Variants in DCLK2 observed in about 807,000 individuals in gnomAD.
DCLK2 encodes the protein doublecortin like kinase 2, also known as serine/threonine-protein kinase DCLK2.
A neutral mutation model predicts 78.4 loss-of-function variants in DCLK2; 31 were observed. The ratio of observed to expected loss-of-function variants is 0.40; its 90% CI spans 0.30 to 0.53. The LOEUF is 0.53. Ranked by LOEUF, DCLK2 falls within the 20% of genes least tolerant of loss-of-function variation. DCLK2 has a pLI of 0.61. For missense variants in DCLK2, 872 were observed against 973.7 expected (o/e 0.90, Z 1.39); for synonymous variants, 407 against 374.9 (o/e 1.09, Z -0.99).
intron 9 of DCLK2, 103 bp downstream of exon 9, chr4:150,232,559 T>G (rs1742157925): frequency 1.3e-6 from 2 of 1,537,696 alleles, no homozygotes; most frequent in Non-Finnish European, 1.8e-6. Flanking sequence ...ACTTTCATTA[T>G]TTATAATCGC....
intron 2 of DCLK2, among the ~76,000 whole-genome samples, chr4:150,121,751 C>T (rs949939186): frequency 3.9e-5 from 6 of 152,190 alleles, no homozygotes; most frequent in Non-Finnish European, 8.8e-5. Flanking sequence ...TATAGCCTTA[C>T]AAAATGTATT....
chr4:150,133,055 A>G (rs1447506322), intron 2 of DCLK2, among the ~76,000 whole-genome samples: 1 of 152,164 alleles, frequency 6.6e-6, no homozygotes, highest in Non-Finnish European at 1.5e-5. Flanking sequence ...ATTACTCACG[A>G]CTTAAAAAAG....
At chr4:150,199,500 AT>A (rs1293153615) in intron 4 of DCLK2, among the ~76,000 whole-genome samples, 2 of 152,180 alleles carry the variant, frequency 1.3e-5, no homozygotes, top group African/African-American at 4.8e-5. Context: ...AAATCTTAGA[AT>A]TATTAGTACT....
chr4:150,219,258 CTTTTTTT>C (rs375592229), intron 5 of DCLK2, among the ~76,000 whole-genome samples: 8 of 72,136 alleles, frequency 1.1e-4, no homozygotes, highest in Admixed American at 1.0e-3. Context: ...CACAAACATT[CTTTTTTT>C]TTTTTTTTTT....
chr4:150,238,922 T>C (rs1742700779), intron 10 of DCLK2, among the ~76,000 whole-genome samples: 9 of 152,202 alleles, frequency 5.9e-5, no homozygotes, highest in Admixed American at 5.9e-4. Context: ...CATCATTGAC[T>C]GTCTAGACAA....
At chr4:150,220,635 G>A in intron 5 of DCLK2, 68 bp from the exon 6 acceptor site, 2 of 1,320,130 alleles carry the variant, frequency 1.5e-6, no homozygotes, top group South Asian at 1.2e-5. Flanking sequence ...CATTTTGTGT[G>A]TCAACGGATT....
At chr4:150,234,945 C>A (rs891513874) in intron 10 of DCLK2, among the ~76,000 whole-genome samples, 1 of 152,128 alleles carries the variant, frequency 6.6e-6, no homozygotes, top group African/African-American at 2.4e-5. Context: ...GCCCGGGCTT[C>A]GCAAACAAAG....
intron 12 of DCLK2, among the ~76,000 whole-genome samples, chr4:150,245,880 C>T (rs1275257316): frequency 6.6e-6 from 1 of 152,088 alleles, no homozygotes; most frequent in Admixed American, 6.5e-5. Context: ...CTAGAAATAC[C>T]ATTTGACCCA....
chr4:150,241,294 C>A (rs1185293574), intron 12 of DCLK2, among the ~76,000 whole-genome samples: 1 of 152,164 alleles, frequency 6.6e-6, no homozygotes, highest in Non-Finnish European at 1.5e-5. Flanking sequence ...TGGCCACTGA[C>A]AATGGTCAGA....
intron 12 of DCLK2, among the ~76,000 whole-genome samples, chr4:150,243,545 C>T (rs931850720): frequency 2.0e-5 from 3 of 152,172 alleles, no homozygotes; most frequent in Admixed American, 2.0e-4. Context: ...AAAAGTCCTT[C>T]ACATATTTCA....
Position 150,256,291 on chromosome 4 carries a change from C to G in DCLK2, c.*44C>G. The G allele has an allele frequency of 6.8e-7, 1 of 1,460,202 alleles. No individual in the cohort carries two copies. 90.5% of individuals were successfully genotyped at this position (1,460,202 alleles called of 1,614,324 possible). ...AAGCCGCCTGCTGCAGCCCAGGAAG[C>G]CAGCCCTCTGCTCGGCCTCGCCGGC... is the stretch of plus-strand genomic sequence containing the variant. On this transcript the variant is annotated 3_prime_UTR_variant, in exon 16 of 16. Coordinates refer to ENST00000296550, the MANE Select transcript of DCLK2 (RefSeq NM_001040260.4).
intron 4 of DCLK2, 23 bp downstream of exon 4, chr4:150,198,126 A>G (rs745538134): frequency 6.3e-7 from 1 of 1,588,626 alleles, no homozygotes; most frequent in Non-Finnish European, 8.6e-7. Flanking sequence ...AAAGGAATAG[A>G]TGGTCATAGC....
chr4:150,156,714 T>G (rs1463314934), intron 2 of DCLK2, among the ~76,000 whole-genome samples: 1 of 151,354 alleles, frequency 6.6e-6, no homozygotes, highest in South Asian at 2.1e-4. Flanking sequence ...AAAGAATATG[T>G]TGTATATAGG....
In DCLK2 at chr4:150,222,703, A is replaced by C. The variant is rs1040972337; in HGVS notation, c.1241+918A>C. Among the ~76,000 whole-genome samples, 14 of 151,986 alleles carry C rather than the reference A, an allele frequency of 9.2e-5. No homozygotes were observed. In the East Asian group the frequency reaches 1.7e-3, roughly 19 times the overall value. On this transcript the variant is annotated intron_variant, in intron 7 of 15. Coordinates refer to ENST00000296550, the MANE Select transcript of DCLK2 (RefSeq NM_001040260.4). ...TCTACAAAAAACAAGACAAACAAAA[A>C]AAAAAACAAAAAAAATTCCAGGTTG...
chr4:150,167,013 C>T (rs569070704), intron 2 of DCLK2, among the ~76,000 whole-genome samples: 1 of 152,228 alleles, frequency 6.6e-6, no homozygotes, highest in African/African-American at 2.4e-5. Context: ...CGCCTGGGTG[C>T]ATTATTCTCA....
intron 2 of DCLK2, among the ~76,000 whole-genome samples, chr4:150,156,483 AAAATAAATAAATAAAT>A (rs545633598): frequency 3.5e-5 from 5 of 143,188 alleles, no homozygotes; most frequent in South Asian, 2.4e-4. Flanking sequence ...CGTCTCTACC[AAAATAAATAAATAAAT>A]AAATAAATAA....
intron 2 of DCLK2, among the ~76,000 whole-genome samples, chr4:150,173,274 G>A (rs1736689060): frequency 6.6e-6 from 1 of 152,128 alleles, no homozygotes; most frequent in Non-Finnish European, 1.5e-5. Context: ...AGCATGGGAT[G>A]CAAAAAACCA....
chr4:150,221,717 T>C lies in DCLK2; in HGVS notation c.1173T>C (p.Leu391=). 6.2e-7 allele frequency: 1 copy of C among 1,606,716 alleles called. No homozygotes were observed. Among genetic ancestry groups the C allele is most frequent in the Non-Finnish European group, 8.5e-7 (1 of 1,177,336 alleles). ...GNRCSESSTL[L]EKYKIGKVIG... is the part of the protein sequence containing the mutation. ...GATGCTCTGAATCATCAACTCTTCT[T>C]GAGAAATACAAAATTGGAAAGGTCA... is the stretch of plus-strand genomic sequence containing the variant. Residue 391 remains leucine, a synonymous_variant, in exon 7 of 16, where the codon CTT becomes CTC. Transcript: ENST00000296550.
intron 1 of DCLK2, among the ~76,000 whole-genome samples, chr4:150,092,166 C>G (rs1730128406): frequency 6.6e-6 from 1 of 152,078 alleles, no homozygotes; most frequent in South Asian, 2.1e-4. Flanking sequence ...TGAATAATAT[C>G]TCATTGTATG....
Sources: allele counts gnomAD v4.1 joint callset (sites outside exome capture counted in the v4.1 genomes callset), GRCh38; gene constraint gnomAD v4.1.1; transcripts MANE v1.5; gene names NCBI Gene and HGNC (gene_info 2026-07-23, HGNC 2026-07-21).